The following TFCP2L1 variants were observed in gnomAD, a reference collection of about 807,000 sequenced individuals.
TFCP2L1 encodes the protein transcription factor CP2-like protein 1.
A neutral mutation model predicts 72.2 loss-of-function variants in TFCP2L1; 12 were observed. The ratio of observed to expected loss-of-function variants is 0.17; its 90% CI spans 0.11 to 0.27. The LOEUF (loss-of-function observed/expected upper bound fraction) is 0.27. Among genes scored for constraint, TFCP2L1 ranks in the 10% least tolerant of loss-of-function variants. The pLI is 1.00. For synonymous variants in TFCP2L1, 260 were observed against 251.0 expected, an observed-to-expected ratio of 1.04 and a Z score of -0.34; for missense variants, 488 against 624.6, an observed-to-expected ratio of 0.78 and a Z score of 2.33.
Position 121,285,036 on chromosome 2 carries a change from C to G in TFCP2L1, c.62+12G>C, listed in dbSNP as rs1226306228. 6.7e-7 allele frequency: 1 copy of G among 1,490,596 alleles called. No homozygotes were observed. The highest frequency in any genetic ancestry group is 8.9e-7 in the Non-Finnish European group (1 of 1,119,698). 92.3% of individuals were successfully genotyped at this position (1,490,596 alleles called of 1,614,324 possible). A position where few individuals can be genotyped will look rare whatever the true frequency, so the allele number is the denominator to read the frequency against. On this transcript the variant is annotated intron_variant, in intron 1 of 14. Coordinates refer to ENST00000263707, the MANE Select transcript of TFCP2L1 (RefSeq NM_014553.3). ...CGGCCCGAGACCCGCGGGGACCGCGCGCGGCCCTTACCGCAGGTAGCTGCC... is the reference window on the plus strand; with the variant it reads ...CGGCCCGAGACCCGCGGGGACCGCGGGCGGCCCTTACCGCAGGTAGCTGCC...
At chr2:121,242,739 A>G (rs1330189488) in intron 6 of TFCP2L1, among the ~76,000 whole-genome samples, 3 of 152,208 alleles carry the variant, frequency 2.0e-5, no homozygotes, top group Non-Finnish European at 2.9e-5. Flanking sequence ...GGGACCCACA[A>G]GGAATCCCAG....
chr2:121,227,612 C>T (rs1245851090), intron 13 of TFCP2L1, among the ~76,000 whole-genome samples: 2 of 151,914 alleles, frequency 1.3e-5, no homozygotes, highest in African/African-American at 2.4e-5. Context: ...ATGCAGGAGG[C>T]GGAGGTTGCA....
intron 2 of TFCP2L1, among the ~76,000 whole-genome samples, chr2:121,259,864 T>A (rs1049491507): frequency 9.9e-5 from 15 of 152,204 alleles, no homozygotes; most frequent in African/African-American, 3.4e-4. Context: ...TAGGGATATA[T>A]TGCATCTGAA....
chr2:121,254,627 G>C (rs1686678347), intron 2 of TFCP2L1, among the ~76,000 whole-genome samples: 1 of 152,124 alleles, frequency 6.6e-6, no homozygotes, highest in Non-Finnish European at 1.5e-5. Flanking sequence ...GCGAAACCCT[G>C]TCTCTACTAA....
At chr2:121,250,059 G>C (rs1230353302) in intron 2 of TFCP2L1, among the ~76,000 whole-genome samples, 1 of 152,194 alleles carries the variant, frequency 6.6e-6, no homozygotes, top group African/African-American at 2.4e-5. Context: ...CTTCCTGAGA[G>C]CAGGTTTGAA....
At chr2:121,260,026 G>A (rs1307540581) in intron 2 of TFCP2L1, among the ~76,000 whole-genome samples, 1 of 152,178 alleles carries the variant, frequency 6.6e-6, no homozygotes. Flanking sequence ...TTGGGGAAGG[G>A]AGTCCAGTTC....
rs2104674313 is a variant in TFCP2L1, at chr2:121,235,250, C to G, written c.1065G>C (p.Gly355=). 6.2e-7 allele frequency: 1 copy of G among 1,614,158 alleles called. No individual in the cohort carries two copies. The highest frequency in any genetic ancestry group is 1.3e-5 in the African/African-American group (1 of 75,040). The change falls in exon 11 of 15, where the codon GGG becomes GGC. Residue 355 remains glycine (G), a synonymous_variant. Transcript: ENST00000263707. The part of the protein sequence containing the change: ...DLVQICGPAD[G]IRLFNAIKGR... ...CTTTGATGGCGTTGAAGAGCCGGAT[C>G]CCATCTGCGGGACCACAGATCTGGA...
chr2:121,255,463 C>T (rs1032825043), intron 2 of TFCP2L1, among the ~76,000 whole-genome samples: 6 of 152,228 alleles, frequency 3.9e-5, no homozygotes, highest in Admixed American at 2.6e-4. Context: ...TGCCAGTACA[C>T]TGCAAGCCCT....
chr2:121,246,757 C>A (rs1194526117), intron 6 of TFCP2L1, 61 bp downstream of exon 6: 6 of 1,601,446 alleles, frequency 3.7e-6, no homozygotes, highest in East Asian at 2.2e-5. Flanking sequence ...TCTCTGTGGG[C>A]GAATGTGACC....
chr2:121,266,252 G>A (rs1489483102), intron 2 of TFCP2L1, among the ~76,000 whole-genome samples: 9 of 151,582 alleles, frequency 5.9e-5, no homozygotes, highest in Middle Eastern at 3.4e-3. Flanking sequence ...AGCAAAGTGA[G>A]TCTTCCCATC....
chr2:121,230,617 C>T (rs1686121690), intron 13 of TFCP2L1, among the ~76,000 whole-genome samples: 1 of 150,450 alleles, frequency 6.6e-6, no homozygotes, highest in Admixed American at 6.6e-5. Context: ...CCTGTCTCTA[C>T]AAAAAATTAG....
At chr2:121,227,681 CAAATA>C (rs569152525) in intron 13 of TFCP2L1, among the ~76,000 whole-genome samples, 15 of 146,648 alleles carry the variant, frequency 1.0e-4, no homozygotes, top group African/African-American at 3.0e-4. Flanking sequence ...ACTCTGTCTC[CAAATA>C]AAATAAAATA....
At chr2:121,257,848 C>T (rs1236754584) in intron 2 of TFCP2L1, among the ~76,000 whole-genome samples, 5 of 150,088 alleles carry the variant, frequency 3.3e-5, no homozygotes, top group Non-Finnish European at 5.9e-5. Flanking sequence ...CTGCTTTCGG[C>T]GCTTTGCAAC....
chr2:121,225,608 C>T lies in TFCP2L1; in HGVS notation c.1347G>A (p.Val449=), dbSNP rs1421378486. The T allele has an allele frequency of 2.5e-6, 4 of 1,613,964 alleles. No individual in the cohort carries two copies. In the African/African-American group the frequency reaches 4.0e-5, roughly 16 times the overall value. The change falls in exon 14 of 15, where the codon GTG becomes GTA. Residue 449 remains valine, a synonymous_variant. Coordinates refer to ENST00000263707, the MANE Select transcript of TFCP2L1 (RefSeq NM_014553.3). The part of the protein sequence containing the change: ...GIHVVVSNEM[V]QNFQDESCFV... ...AACAGGATTCATCTTGGAAGTTCTG[C>T]ACCATCTGAGAGACAAAAGAGAGAA... is the stretch of plus-strand genomic sequence containing the variant.
intron 2 of TFCP2L1, among the ~76,000 whole-genome samples, chr2:121,266,717 G>C (rs1400365812): frequency 6.6e-6 from 1 of 152,142 alleles, no homozygotes; most frequent in African/African-American, 2.4e-5. Flanking sequence ...GTGAAAGGGT[G>C]ACCTGCCCTG....
intron 7 of TFCP2L1, chr2:121,240,145 T>A (rs1686338118): frequency 1.0e-6 from 1 of 985,082 alleles, no homozygotes. Flanking sequence ...GCGGAGGCTC[T>A]TGCACAATCA....
Position 121,235,451 on chromosome 2 carries a change from C to A in TFCP2L1, c.1004-140G>T, listed in dbSNP as rs1686226865. On this transcript the variant is annotated intron_variant, in intron 10 of 14. Coordinates refer to ENST00000263707, the MANE Select transcript of TFCP2L1 (RefSeq NM_014553.3). Reference sequence around the variant, plus strand: ...GCACTATCTCACAGAGAGAAAATGGCAAAATGCTCAACAACATCAAAAGAT... The same window carrying A: ...GCACTATCTCACAGAGAGAAAATGGAAAAATGCTCAACAACATCAAAAGAT... The A allele has an allele frequency of 3.0e-5, 23 of 760,480 alleles. No homozygotes were observed. The South Asian group carries it at 3.7e-4, about 12-fold the overall frequency. The allele number at this position is 760,480 out of a possible 1,614,324, so 47.1% of individuals were successfully genotyped here.
chr2:121,222,592 T>G lies in TFCP2L1; in HGVS notation c.*1749A>C, dbSNP rs1422829387. 3 of 152,252 alleles carry G rather than the reference T, an allele frequency of 2.0e-5. No homozygotes were observed. The highest frequency in any genetic ancestry group is 2.0e-4 in the Admixed American group (3 of 15,284). 9.4% of individuals were successfully genotyped at this position (152,252 alleles called of 1,614,324 possible). ...GATATATGAAATGTCCAGAGTAGGT[T>G]AATCTTACATAGAAAGTAGATTCAT... On this transcript the variant is annotated 3_prime_UTR_variant, in exon 15 of 15. Coordinates refer to ENST00000263707, the MANE Select transcript of TFCP2L1 (RefSeq NM_014553.3).
At chr2:121,226,650 C>G (rs76998557) in intron 13 of TFCP2L1, among the ~76,000 whole-genome samples, 2,882 of 152,226 alleles carry the variant, frequency 0.019, 109 homozygotes, top group African/African-American at 0.065. Context: ...CTCTGGAGTT[C>G]TAATTTCGAT....
Sources: allele counts gnomAD v4.1 joint callset (sites outside exome capture counted in the v4.1 genomes callset), GRCh38; gene constraint gnomAD v4.1.1; transcripts MANE v1.5; gene names NCBI Gene and HGNC (gene_info 2026-07-23, HGNC 2026-07-21).